MED27: variants seen among roughly 807,000 people sequenced by gnomAD.
The protein encoded by MED27 is mediator of RNA polymerase II transcription subunit 27.
Under a neutral mutation model 38.2 loss-of-function variants are expected in MED27, and 30 were observed. The ratio of observed to expected loss-of-function variants is 0.79; its 90% confidence interval spans 0.59 to 1.07. The LOEUF is 1.07. Among genes scored for constraint, MED27 ranks in the 50% least tolerant of loss-of-function variants. The pLI, the probability that MED27 is intolerant of heterozygous loss-of-function variation, is 0.00. For missense variants in MED27, 289 were observed against 397.5 expected, an observed-to-expected ratio of 0.73 and a Z score of 2.32; for synonymous variants, 122 against 153.5, an observed-to-expected ratio of 0.79 and a Z score of 1.52.
chr9:131,984,968 T>C (rs2131032847), intron 3 of MED27, among the ~76,000 whole-genome samples: 1 of 152,314 alleles, frequency 6.6e-6, no homozygotes, highest in Non-Finnish European at 1.5e-5. Context: ...AGGATCTGTC[T>C]TTGTCTAACA....
intron 6 of MED27, among the ~76,000 whole-genome samples, chr9:131,880,683 C>G (rs1589180259): frequency 6.6e-6 from 1 of 152,150 alleles, no homozygotes; most frequent in African/African-American, 2.4e-5. Flanking sequence ...CTAAATCTCT[C>G]CAACTAGACT....
chr9:131,994,294 T>C (rs1832043256), intron 3 of MED27, among the ~76,000 whole-genome samples: 1 of 152,136 alleles, frequency 6.6e-6, no homozygotes, highest in Non-Finnish European at 1.5e-5. Flanking sequence ...CCACATTAGG[T>C]CCTTGGTCTA....
At chr9:131,991,102 G>A (rs1589253277) in intron 3 of MED27, among the ~76,000 whole-genome samples, 1 of 152,138 alleles carries the variant, frequency 6.6e-6, no homozygotes. Flanking sequence ...AGACAACCTT[G>A]ACGGTTTCTC....
intron 2 of MED27, among the ~76,000 whole-genome samples, chr9:132,053,061 G>C (rs372371255): frequency 6.6e-6 from 1 of 152,016 alleles, no homozygotes; most frequent in South Asian, 2.1e-4. Flanking sequence ...AGACCATCCT[G>C]GCTAACACAG....
intron 4 of MED27, among the ~76,000 whole-genome samples, chr9:131,929,883 C>T (rs943522883): frequency 6.6e-6 from 1 of 152,222 alleles, no homozygotes; most frequent in Non-Finnish European, 1.5e-5. Context: ...AGTCCTAGCA[C>T]CTTGAATGAA....
At chr9:132,031,506 A>G (rs1832959683) in intron 2 of MED27, among the ~76,000 whole-genome samples, 1 of 152,184 alleles carries the variant, frequency 6.6e-6, no homozygotes, top group African/African-American at 2.4e-5. Flanking sequence ...CCAAGGAAAG[A>G]GCTAAAAGAG....
At chr9:131,886,024 T>C (rs529157199) in intron 5 of MED27, among the ~76,000 whole-genome samples, 8 of 152,252 alleles carry the variant, frequency 5.3e-5, no homozygotes, top group Non-Finnish European at 7.4e-5. Flanking sequence ...CCAGAAAGCA[T>C]TGGGAAGCCA....
intron 3 of MED27, among the ~76,000 whole-genome samples, chr9:131,956,853 C>T (rs2130992445): frequency 6.6e-6 from 1 of 151,572 alleles, no homozygotes; most frequent in African/African-American, 2.4e-5. Context: ...TACACACTTT[C>T]AGCAGAGTAG....
intron 2 of MED27, among the ~76,000 whole-genome samples, chr9:132,069,190 G>GT (rs1188414070): frequency 6.6e-6 from 1 of 152,130 alleles, no homozygotes; most frequent in Non-Finnish European, 1.5e-5. Flanking sequence ...GTCAAGCAGG[G>GT]TATCAACATG....
At position 131,860,511 on chromosome 9, in the gene MED27, G is replaced by T. The variant is rs763739232; in HGVS notation, c.*27C>A. 6.7e-7 allele frequency: 1 copy of T among 1,493,876 alleles called. No individual in the cohort carries two copies. Among genetic ancestry groups the T allele is most frequent in the Non-Finnish European group, 8.9e-7 (1 of 1,121,750 alleles). The allele number at this position is 1,493,876 out of a possible 1,614,324, so 92.5% of individuals were successfully genotyped here. A position where few individuals can be genotyped will look rare whatever the true frequency, so the allele number is the denominator to read the frequency against. On this transcript the variant is annotated 3_prime_UTR_variant, in exon 8 of 8. Coordinates refer to ENST00000292035, the MANE Select transcript of MED27 (RefSeq NM_004269.4). This position sits in a 1 kb window ranked among gnomAD's most constrained non-coding sequence, Gnocchi z 5.8. The stretch of plus-strand genomic sequence containing the variant: ...GCGTGTCTGGGAAGGTGCTGGGTGG[G>T]GTCTGAGGCTGGGGCCAGCGTGGGG...
intron 2 of MED27, among the ~76,000 whole-genome samples, chr9:132,063,451 C>T (rs905481016): frequency 1.3e-5 from 2 of 152,164 alleles, no homozygotes; most frequent in Non-Finnish European, 2.9e-5. Context: ...AGCTGAGGTC[C>T]CCAAGTACAA....
intron 2 of MED27, among the ~76,000 whole-genome samples, chr9:132,056,356 C>T (rs1040469472): frequency 1.3e-5 from 2 of 152,278 alleles, no homozygotes; most frequent in East Asian, 1.9e-4. Flanking sequence ...ATGTATAAGG[C>T]TGATGCCCTA....
chr9:132,066,056 T>C (rs1833802556), intron 2 of MED27, among the ~76,000 whole-genome samples: 1 of 151,860 alleles, frequency 6.6e-6, no homozygotes, highest in East Asian at 1.9e-4. Context: ...ATGGCAGAGG[T>C]GGTGCTCAAT....
At chr9:132,010,665 A>G (rs1008050653) in intron 3 of MED27, among the ~76,000 whole-genome samples, 1 of 152,226 alleles carries the variant, frequency 6.6e-6, no homozygotes, top group Non-Finnish European at 1.5e-5. Context: ...GGATTAAGAA[A>G]ATGTGGCACA....
intron 4 of MED27, among the ~76,000 whole-genome samples, chr9:131,922,635 C>CTCTTT (rs1830415385): frequency 6.6e-6 from 1 of 150,870 alleles, no homozygotes; most frequent in Non-Finnish European, 1.5e-5. Context: ...TTATTTTTTT[C>CTCTTT]TTTTCTTTTA....
rs145647471 is a variant in MED27, at chr9:131,911,039, TAAAC to T, written c.574-17051_574-17048del. Reference sequence around the variant, plus strand: ...TGCAATTAAACCATGAGAGGCTAAATAAACATACATACTAATTAGGATCTTTACA... The same window carrying T: ...TGCAATTAAACCATGAGAGGCTAAATATACATACTAATTAGGATCTTTACA... On this transcript the variant is annotated intron_variant, in intron 4 of 7. Transcript: ENST00000292035. 0.011 allele frequency among the ~76,000 whole-genome samples: 1,748 copies of T among 152,212 alleles called. 75 individuals are homozygous for T. In the East Asian group the frequency reaches 0.14, roughly 12 times the overall value.
intron 3 of MED27, among the ~76,000 whole-genome samples, chr9:132,001,917 C>T (rs1412060554): frequency 6.6e-6 from 1 of 152,208 alleles, no homozygotes; most frequent in Non-Finnish European, 1.5e-5. Flanking sequence ...ATATGGATGA[C>T]TGGGCCTCTT....
At position 131,913,813 on chromosome 9, in the gene MED27, G is replaced by A. The variant is rs9411326; in HGVS notation, c.574-19821C>T. Among the ~76,000 whole-genome samples, 305 of 152,298 alleles carry A rather than the reference G, an allele frequency of 2.0e-3. 2 individuals are homozygous for A. The highest frequency in any genetic ancestry group is 0.017 in the Middle Eastern group (5 of 294). The stretch of plus-strand genomic sequence containing the variant: ...GAAACTGACACTTCTAACAAGCACC[G>A]AGGGCGGTCCAATGATTCCCTGAGC... On this transcript the variant is annotated intron_variant, in intron 4 of 7. Coordinates refer to ENST00000292035, the MANE Select transcript of MED27 (RefSeq NM_004269.4). The surrounding 1 kb of genome is among the most constrained non-coding windows in gnomAD (Gnocchi z 4.5).
intron 5 of MED27, among the ~76,000 whole-genome samples, chr9:131,887,972 G>C (rs545313417): frequency 6.6e-6 from 1 of 152,260 alleles, no homozygotes; most frequent in South Asian, 2.1e-4. Context: ...CTTCAGCACA[G>C]ACACGTCTGT....
Sources: gnomAD v4.1 joint callset for allele counts (sites outside exome capture counted in the v4.1 genomes callset) on GRCh38, gnomAD v4.1.1 for gene constraint, Gnocchi (gnomAD v3.1) non-coding constraint, MANE v1.5 for transcripts, NCBI Gene and HGNC (gene_info 2026-07-23, HGNC 2026-07-21) for gene names.